Variants in WDR7 observed in about 807,000 individuals in gnomAD.
WDR7 encodes WD repeat-containing protein 7.
A neutral mutation model predicts 169.4 loss-of-function variants in WDR7; 46 were observed. The observed-to-expected ratio is 0.27, with a 90% CI of 0.21 to 0.35. The LOEUF (loss-of-function observed/expected upper bound fraction) is 0.35, where lower values mean the gene tolerates loss of function less well. Among genes scored for constraint, WDR7 ranks in the 10% least tolerant of loss-of-function variants. The pLI is 1.00. For synonymous variants in WDR7, 612 were observed against 666.8 expected, an observed-to-expected ratio of 0.92 and a Z score of 1.27; for missense variants, 1,534 against 1,859.3, an observed-to-expected ratio of 0.83 and a Z score of 3.22.
intron 26 of WDR7, among the ~76,000 whole-genome samples, chr18:56,964,209 C>CA (rs370790953): frequency 0.063 from 4,330 of 68,388 alleles, 148 homozygotes; most frequent in African/African-American, 0.13. Flanking sequence ...TGGTAACATG[C>CA]AAAAAAAAAA....
chr18:56,799,376 ATTAC>A (rs986982523), intron 19 of WDR7, among the ~76,000 whole-genome samples: 4 of 152,220 alleles, frequency 2.6e-5, no homozygotes, highest in Non-Finnish European at 4.4e-5. Flanking sequence ...TATCTTAAGT[ATTAC>A]TTGAGGTCAC....
intron 26 of WDR7, among the ~76,000 whole-genome samples, chr18:56,986,581 T>C (rs1330973581): frequency 6.6e-6 from 1 of 152,122 alleles, no homozygotes; most frequent in Non-Finnish European, 1.5e-5. Context: ...TGGTATATAG[T>C]ATAGCCTTAG....
chr18:56,877,111 G>C (rs1306244046), intron 20 of WDR7, among the ~76,000 whole-genome samples: 2 of 152,042 alleles, frequency 1.3e-5, no homozygotes, highest in Non-Finnish European at 2.9e-5. Flanking sequence ...TAATATTAGA[G>C]AAGGTATAAA....
chr18:56,786,149 CAGATCACTGCCAGACTGG>C (rs1305420319), intron 19 of WDR7, among the ~76,000 whole-genome samples: 1 of 152,100 alleles, frequency 6.6e-6, no homozygotes, highest in Non-Finnish European at 1.5e-5. Context: ...GGGATTCTGG[CAGATCACTGCCAGACTGG>C]AGATCACTGG....
At chr18:56,753,784 T>C (rs1467035582) in intron 14 of WDR7, among the ~76,000 whole-genome samples, 4 of 151,998 alleles carry the variant, frequency 2.6e-5, no homozygotes, top group Non-Finnish European at 4.4e-5. Context: ...TATTTATATG[T>C]GAGGGGCCAT....
intron 14 of WDR7, among the ~76,000 whole-genome samples, chr18:56,734,298 G>A (rs1215870906): frequency 6.6e-6 from 1 of 151,990 alleles, no homozygotes; most frequent in Non-Finnish European, 1.5e-5. Flanking sequence ...TGTAGACCAT[G>A]ATAACTCATT....
intron 21 of WDR7, among the ~76,000 whole-genome samples, chr18:56,887,554 A>G (rs1051828411): frequency 6.6e-6 from 1 of 151,660 alleles, no homozygotes; most frequent in African/African-American, 2.4e-5. Flanking sequence ...AATGTGTAGA[A>G]TGTCCTTGAT....
At chr18:56,753,117 G>T (rs906823547) in intron 14 of WDR7, 1 of 152,140 alleles carries the variant, frequency 6.6e-6, no homozygotes, top group African/African-American at 2.4e-5. Flanking sequence ...AAGAAACGTG[G>T]TCAGATGGGA....
intron 1 of WDR7, among the ~76,000 whole-genome samples, chr18:56,656,405 G>A (rs529632388): frequency 2.0e-5 from 3 of 149,738 alleles, no homozygotes; most frequent in East Asian, 2.0e-4. Context: ...TCAGCCTCCC[G>A]AGTAGCTGGG....
At chr18:56,690,626 G>C (rs1598964233) in intron 7 of WDR7, among the ~76,000 whole-genome samples, 1 of 152,004 alleles carries the variant, frequency 6.6e-6, no homozygotes, top group African/African-American at 2.4e-5. Context: ...ACCAGCCTGG[G>C]CAACATGGTG....
chr18:56,794,302 C>CTTTTTTTTTT (rs1217568621), intron 19 of WDR7, among the ~76,000 whole-genome samples: 74 of 29,420 alleles, frequency 2.5e-3, no homozygotes, highest in Middle Eastern at 0.021. Context: ...AAGGTAAAGT[C>CTTTTTTTTTT]TATTTTTTTT....
At chr18:56,655,824 G>T (rs568028092) in intron 1 of WDR7, among the ~76,000 whole-genome samples, 114 of 152,216 alleles carry the variant, frequency 7.5e-4, no homozygotes, top group African/African-American at 2.6e-3. Context: ...TTTTGAAATT[G>T]AGATTCATCC....
At chr18:57,008,883 T>G (rs538396403) in intron 26 of WDR7, among the ~76,000 whole-genome samples, 3 of 152,354 alleles carry the variant, frequency 2.0e-5, no homozygotes, top group Admixed American at 6.5e-5. Context: ...AGTAAATATT[T>G]TTAACTACAT....
chr18:56,657,585 G>A lies in WDR7; in HGVS notation c.-20+6009G>A, dbSNP rs2024804842. Among the ~76,000 whole-genome samples, 8 of 152,322 alleles carry A rather than the reference G, an allele frequency of 5.3e-5. No individual in the cohort carries two copies. The South Asian group carries it at 1.7e-3, about 32-fold the overall frequency. ...TAGGCAAAATCAGCTGAGAGCTATGGATAGCTCAGTGAAATTCTGCCATCA... is the reference window on the plus strand; with the variant it reads ...TAGGCAAAATCAGCTGAGAGCTATGAATAGCTCAGTGAAATTCTGCCATCA... On this transcript the variant is annotated intron_variant, in intron 1 of 27. Coordinates refer to ENST00000254442, the MANE Select transcript of WDR7 (RefSeq NM_015285.3).
At chr18:56,814,035 G>A (rs955393747) in intron 19 of WDR7, among the ~76,000 whole-genome samples, 8 of 152,124 alleles carry the variant, frequency 5.3e-5, no homozygotes, top group African/African-American at 1.9e-4. Flanking sequence ...CCTGTCCCCA[G>A]GAGCTTAGTC....
intron 14 of WDR7, among the ~76,000 whole-genome samples, chr18:56,742,370 T>TA (rs2043632578): frequency 6.6e-6 from 1 of 152,216 alleles, no homozygotes; most frequent in Non-Finnish European, 1.5e-5. Flanking sequence ...AAGTAATTTA[T>TA]AAAAATATAC....
At chr18:57,014,284 C>T (rs1483540106) in intron 26 of WDR7, among the ~76,000 whole-genome samples, 6 of 148,652 alleles carry the variant, frequency 4.0e-5, no homozygotes, top group African/African-American at 1.5e-4. Flanking sequence ...CGAGATCGTG[C>T]CATTGCACTC....
At chr18:56,884,951 G>A (rs549547903) in intron 21 of WDR7, among the ~76,000 whole-genome samples, 5 of 152,282 alleles carry the variant, frequency 3.3e-5, no homozygotes, top group African/African-American at 4.8e-5. Context: ...ACCTGAAGAC[G>A]GTTCACATCA....
chr18:57,003,661 C>T (rs934231939), intron 26 of WDR7, among the ~76,000 whole-genome samples: 1 of 152,094 alleles, frequency 6.6e-6, no homozygotes. Flanking sequence ...TGATTTGGAT[C>T]ACACGAATCT....
Sources: gnomAD v4.1 joint callset for allele counts (sites outside exome capture counted in the v4.1 genomes callset) on GRCh38, gnomAD v4.1.1 for gene constraint, MANE v1.5 for transcripts, NCBI Gene and HGNC (gene_info 2026-07-23, HGNC 2026-07-21) for gene names.